The following ST6GAL1 variants were observed in gnomAD, a reference collection of about 807,000 sequenced individuals.
ST6GAL1 encodes the protein beta-galactoside alpha-2,6-sialyltransferase 1.
A neutral mutation model predicts 38.0 loss-of-function variants in ST6GAL1; 20 were observed. That is an observed-to-expected ratio of 0.53 (90% CI 0.37 to 0.77). The LOEUF (loss-of-function observed/expected upper bound fraction) is 0.77, where lower values mean the gene tolerates loss of function less well. Among genes scored for constraint, ST6GAL1 ranks in the 30% least tolerant of loss-of-function variants. ST6GAL1 has a pLI of 0.00. For synonymous variants in ST6GAL1, 196 were observed against 188.2 expected, an observed-to-expected ratio of 1.04 and a Z score of -0.34; for missense variants, 432 against 496.4, an observed-to-expected ratio of 0.87 and a Z score of 1.23.
chr3:186,948,367 G>C (rs1329738107), intron 1 of ST6GAL1, among the ~76,000 whole-genome samples: 1 of 152,232 alleles, frequency 6.6e-6, no homozygotes, highest in Non-Finnish European at 1.5e-5. Flanking sequence ...TGACCTCAAA[G>C]AAATTGGGCT....
At chr3:187,074,800 G>A (rs1719506969) in intron 7 of ST6GAL1, among the ~76,000 whole-genome samples, 1 of 151,992 alleles carries the variant, frequency 6.6e-6, no homozygotes, top group African/African-American at 2.4e-5. Flanking sequence ...TTTCTCAGGT[G>A]TACAATTTAA....
At chr3:186,977,825 T>C (rs1398907656) in intron 2 of ST6GAL1, among the ~76,000 whole-genome samples, 1 of 152,220 alleles carries the variant, frequency 6.6e-6, no homozygotes, top group Non-Finnish European at 1.5e-5. Flanking sequence ...CATTATTCCT[T>C]GTAGTGGTCA....
At chr3:187,074,127 T>C (rs1199656934) in intron 6 of ST6GAL1, 32 bp from the exon 7 acceptor site, 1 of 1,564,824 alleles carries the variant, frequency 6.4e-7, no homozygotes, top group African/African-American at 1.4e-5. Context: ...GGCCCATTTC[T>C]CCCTTGAGAG....
At chr3:186,995,880 T>A (rs886892754) in intron 2 of ST6GAL1, among the ~76,000 whole-genome samples, 2 of 152,144 alleles carry the variant, frequency 1.3e-5, no homozygotes, top group African/African-American at 2.4e-5. Context: ...ATGCTTTTAA[T>A]CAATAACTTC....
intron 2 of ST6GAL1, among the ~76,000 whole-genome samples, chr3:186,969,043 CTCTTTT>C (rs1271005357): frequency 7.3e-6 from 1 of 137,074 alleles, no homozygotes; most frequent in African/African-American, 2.7e-5. Flanking sequence ...TTTCTTTCTT[CTCTTTT>C]TCTTTTTTTT....
chr3:186,949,637 C>G (rs1415486900), intron 1 of ST6GAL1, among the ~76,000 whole-genome samples: 1 of 152,200 alleles, frequency 6.6e-6, no homozygotes, highest in African/African-American at 2.4e-5. Context: ...AGTAGGAGGG[C>G]TTGGAGGCAA....
At chr3:187,062,593 C>A (rs979817290) in intron 5 of ST6GAL1, among the ~76,000 whole-genome samples, 2 of 151,814 alleles carry the variant, frequency 1.3e-5, no homozygotes, top group African/African-American at 4.8e-5. Context: ...CACACACACA[C>A]ACACACACAC....
chr3:187,075,509 TG>T lies in ST6GAL1; in HGVS notation c.980-49del. The stretch of plus-strand genomic sequence containing the variant: ...CTGCTGAACCCACTGGGCAGAGCTC[TG>T]GGGTGCTGGGGTGGGTTGTCAGGCA... On this transcript the variant is annotated intron_variant, in intron 7 of 7. Transcript: ENST00000169298. This position sits in a 1 kb window ranked among gnomAD's most constrained non-coding sequence, Gnocchi z 4.1. 5.0e-6 allele frequency: 8 copies of T among 1,600,410 alleles called. No individual in the cohort carries two copies. Among genetic ancestry groups the T allele is most frequent in the South Asian group, 1.1e-5 (1 of 89,470 alleles).
chr3:186,968,440 C>CA (rs1473866336), intron 2 of ST6GAL1, among the ~76,000 whole-genome samples: 2 of 152,108 alleles, frequency 1.3e-5, no homozygotes, highest in African/African-American at 2.4e-5. Context: ...TGTATACGGT[C>CA]ATGAAACTAT....
rs183467763 is a variant in ST6GAL1 at position 187,073,267 on chromosome 3, C to T, written c.804+320C>T. On this transcript the variant is annotated intron_variant, in intron 6 of 7. Transcript: ENST00000169298. The stretch of plus-strand genomic sequence containing the variant: ...ATTCGTGATGAGCATCAGCAGAACT[C>T]GAGAGTAGTTGCCGTTACTCCTGTA... 120 of 253,918 alleles carry T rather than the reference C, an allele frequency of 4.7e-4. 1 individual carries two copies. In the East Asian group the frequency reaches 6.3e-3, roughly 13 times the overall value. The allele number at this position is 253,918 out of a possible 1,614,324, so 15.7% of individuals were successfully genotyped here. A position where few individuals can be genotyped will look rare whatever the true frequency, so the allele number is the denominator to read the frequency against.
chr3:186,980,778 A>G (rs1715672636), intron 2 of ST6GAL1, among the ~76,000 whole-genome samples: 1 of 151,708 alleles, frequency 6.6e-6, no homozygotes, highest in Non-Finnish European at 1.5e-5. Context: ...AAAAAAAAAA[A>G]AAAAAGATAG....
chr3:187,053,301 A>G (rs1467051845), intron 5 of ST6GAL1, among the ~76,000 whole-genome samples: 4 of 152,100 alleles, frequency 2.6e-5, no homozygotes, highest in Non-Finnish European at 5.9e-5. Context: ...TCTTTAGTTT[A>G]ATTAGATCCC....
chr3:187,023,993 C>T (rs1158998859), intron 2 of ST6GAL1, among the ~76,000 whole-genome samples: 1 of 151,808 alleles, frequency 6.6e-6, no homozygotes, highest in African/African-American at 2.4e-5. Flanking sequence ...CTTCCCTATT[C>T]ATTTCCTCAC....
At chr3:186,987,218 G>C (rs962281672) in intron 2 of ST6GAL1, among the ~76,000 whole-genome samples, 2 of 150,638 alleles carry the variant, frequency 1.3e-5, no homozygotes, top group African/African-American at 4.9e-5. Context: ...GAAAAGGAAA[G>C]AAAGCAAGGA....
chr3:186,993,561 TTTA>T (rs1560154664), intron 2 of ST6GAL1, among the ~76,000 whole-genome samples: 2,433 of 77,288 alleles, frequency 0.031, 37 homozygotes, highest in Middle Eastern at 0.062. Flanking sequence ...CAGAGTTTTA[TTTA>T]TTTATTTATT....
chr3:186,995,121 A>G (rs1172307346), intron 2 of ST6GAL1, among the ~76,000 whole-genome samples: 1 of 152,182 alleles, frequency 6.6e-6, no homozygotes, highest in Non-Finnish European at 1.5e-5. Flanking sequence ...GTGTATGTAT[A>G]TAGATATGGG....
intron 4 of ST6GAL1, 58 bp from the exon 5 acceptor site, chr3:187,051,191 C>G (rs1161887267): frequency 1.4e-6 from 2 of 1,479,244 alleles, no homozygotes; most frequent in Non-Finnish European, 1.9e-6. Flanking sequence ...TCGTCTTTCT[C>G]TTTTTCTGCA....
intron 2 of ST6GAL1, among the ~76,000 whole-genome samples, chr3:187,009,359 G>A (rs568881098): frequency 4.3e-4 from 65 of 152,228 alleles, no homozygotes; most frequent in Non-Finnish European, 5.3e-4. Flanking sequence ...AGGGATAGGT[G>A]GCTATGAATA....
chr3:187,067,085 T>C (rs113356008), intron 5 of ST6GAL1, among the ~76,000 whole-genome samples: 3,780 of 86,688 alleles, frequency 0.044, 143 homozygotes, highest in African/African-American at 0.16. Context: ...TTCTTTCTTT[T>C]TTTTTTTTTT....
Sources: gnomAD v4.1 joint callset for allele counts (sites outside exome capture counted in the v4.1 genomes callset) on GRCh38, gnomAD v4.1.1 for gene constraint, Gnocchi (gnomAD v3.1) non-coding constraint, MANE v1.5 for transcripts, NCBI Gene and HGNC (gene_info 2026-07-23, HGNC 2026-07-21) for gene names.